ZDHHC15: variants seen among roughly 807,000 people sequenced by gnomAD.
ZDHHC15 encodes palmitoyltransferase ZDHHC15.
Under a neutral mutation model 31.7 loss-of-function variants are expected in ZDHHC15, and 19 were observed. The observed-to-expected ratio is 0.60, with a 90% CI of 0.42 to 0.88. The LOEUF is 0.88. Ranked by LOEUF, ZDHHC15 falls within the 40% of genes least tolerant of loss-of-function variation. The probability of loss-of-function intolerance (pLI) is 0.00; values close to 1 mark genes in which losing one functional copy is unlikely to be tolerated. For synonymous variants in ZDHHC15, 103 were observed against 90.0 expected (o/e 1.14, Z -0.82); for missense variants, 209 against 251.2 (o/e 0.83, Z 1.14).
At chrX:75,475,943 T>C (rs2084596825) in intron 3 of ZDHHC15, among the ~76,000 whole-genome samples, 1 of 111,723 alleles carries the variant, frequency 9.0e-6, no homozygotes. Context: ...TGGTTATGTT[T>C]ATTCCTAAGT....
At chrX:75,421,262 T>C (rs961308472) in intron 9 of ZDHHC15, among the ~76,000 whole-genome samples, 2 of 97,367 alleles carry the variant, frequency 2.1e-5, no homozygotes, top group Non-Finnish European at 4.0e-5. Flanking sequence ...TATACTTATG[T>C]TTTTAATCAC....
At chrX:75,471,875 G>A (rs1305135694) in intron 3 of ZDHHC15, among the ~76,000 whole-genome samples, 1 of 111,605 alleles carries the variant, frequency 9.0e-6, no homozygotes, top group Non-Finnish European at 1.9e-5. Flanking sequence ...TTTGGAGCAA[G>A]GCCCTGCCAT....
At chrX:75,419,936 C>G (rs1281665447) in intron 9 of ZDHHC15, among the ~76,000 whole-genome samples, 3 of 70,641 alleles carry the variant, frequency 4.2e-5, no homozygotes, top group Non-Finnish European at 7.3e-5. Flanking sequence ...ACATCACACA[C>G]TGGGGTCTGT....
chrX:75,388,010 C>A (rs1380563612), intron 10 of ZDHHC15, among the ~76,000 whole-genome samples: 2 of 111,860 alleles, frequency 1.8e-5, no homozygotes, highest in East Asian at 5.6e-4. Context: ...ACCACACAGG[C>A]CAGGAGGGAG....
chrX:75,407,057 C>A (rs1473027823), intron 10 of ZDHHC15, among the ~76,000 whole-genome samples: 1 of 112,605 alleles, frequency 8.9e-6, no homozygotes, highest in Non-Finnish European at 1.9e-5. Flanking sequence ...CAGCTGCCTG[C>A]CTTGGCCTCC....
At position 75,475,045 on chromosome X, in the gene ZDHHC15, C is replaced by T. The variant is rs771691052; in HGVS notation, c.258+3846G>A. ...CTGCACTCCTGCCTGGGCGACAGAG[C>T]GAGACTCCGTCTCAAAAAAATAAAT... is the stretch of plus-strand genomic sequence containing the variant. On this transcript the variant is annotated intron_variant, in intron 3 of 11. Transcript: ENST00000373367. Among the ~76,000 whole-genome samples the T allele has an allele frequency of 8.6e-4, 95 of 110,726 alleles. 1 individual carries two copies. Among genetic ancestry groups the T allele is most frequent in the Non-Finnish European group, 1.3e-3 (67 of 52,842 alleles).
At chrX:75,482,360 A>T (rs756730797) in intron 2 of ZDHHC15, among the ~76,000 whole-genome samples, 1 of 112,116 alleles carries the variant, frequency 8.9e-6, no homozygotes, top group Admixed American at 9.5e-5. Flanking sequence ...GTTGCATCCA[A>T]TGTTTAGCTG....
At chrX:75,391,898 C>A (rs141473912) in intron 10 of ZDHHC15, among the ~76,000 whole-genome samples, 202 of 111,932 alleles carry the variant, frequency 1.8e-3, no homozygotes, top group Admixed American at 2.7e-3. Context: ...ATAACTATAA[C>A]AACTTTTGAA....
chrX:75,490,285 T>C (rs946905063), intron 2 of ZDHHC15, among the ~76,000 whole-genome samples: 5 of 111,140 alleles, frequency 4.5e-5, no homozygotes, highest in Non-Finnish European at 9.4e-5. Flanking sequence ...AGACACATAA[T>C]TGTCAGATTC....
At chrX:75,488,100 G>A (rs1366296351) in intron 2 of ZDHHC15, among the ~76,000 whole-genome samples, 1 of 112,270 alleles carries the variant, frequency 8.9e-6, no homozygotes, top group Non-Finnish European at 1.9e-5. Context: ...CAACTTATTT[G>A]AGGGAATAAT....
chrX:75,446,862 C>A (rs867725204), intron 4 of ZDHHC15, among the ~76,000 whole-genome samples: 1 of 111,783 alleles, frequency 8.9e-6, no homozygotes, highest in Middle Eastern at 4.2e-3. Flanking sequence ...AAAGACCTCA[C>A]GTCCTAATAT....
At chrX:75,485,130 G>C (rs1023424167) in intron 2 of ZDHHC15, among the ~76,000 whole-genome samples, 3 of 111,191 alleles carry the variant, frequency 2.7e-5, no homozygotes, top group Non-Finnish European at 5.7e-5. Context: ...ACTGTATAGT[G>C]GTGGTTTTTA....
intron 4 of ZDHHC15, among the ~76,000 whole-genome samples, chrX:75,443,616 T>C (rs2083980957): frequency 1.8e-5 from 2 of 111,607 alleles, no homozygotes; most frequent in African/African-American, 6.5e-5. Context: ...AATTGACAAA[T>C]GGGATCTAAT....
chrX:75,486,767 C>CG (rs398087767), intron 2 of ZDHHC15, among the ~76,000 whole-genome samples: 42 of 110,478 alleles, frequency 3.8e-4, no homozygotes, highest in African/African-American at 1.3e-3. Context: ...GCCATAATCC[C>CG]CTGGGAACAT....
At chrX:75,472,200 G>C (rs1331701256) in intron 3 of ZDHHC15, among the ~76,000 whole-genome samples, 2 of 111,678 alleles carry the variant, frequency 1.8e-5, no homozygotes, top group African/African-American at 6.5e-5. Context: ...CTGCACTGAT[G>C]GCCTCATGGG....
chrX:75,428,137 T>C (rs1256007752), intron 7 of ZDHHC15, among the ~76,000 whole-genome samples: 1 of 111,149 alleles, frequency 9.0e-6, no homozygotes, highest in African/African-American at 3.3e-5. Context: ...CCTAAATAAC[T>C]AGTAGCTCTG....
intron 11 of ZDHHC15, 55 bp downstream of exon 11, chrX:75,379,065 G>A (rs1302781783): frequency 1.2e-5 from 12 of 988,578 alleles, no homozygotes; most frequent in Non-Finnish European, 1.7e-5. Flanking sequence ...CTTCTCCCAA[G>A]CCGCCTTCTT....
At chrX:75,408,223 T>TA (rs1569314715) in intron 10 of ZDHHC15, among the ~76,000 whole-genome samples, 4 of 82,972 alleles carry the variant, frequency 4.8e-5, no homozygotes, top group South Asian at 5.8e-4. Flanking sequence ...TAAAAAAAAA[T>TA]AAAAAATAAA....
chrX:75,456,208 A>G lies in ZDHHC15; in HGVS notation c.259-5286T>C, dbSNP rs1370304509. Among the ~76,000 whole-genome samples, 4 of 111,260 alleles carry G rather than the reference A, an allele frequency of 3.6e-5. No individual in the cohort carries two copies. The East Asian group carries it at 1.1e-3, about 31-fold the overall frequency. On this transcript the variant is annotated intron_variant, in intron 3 of 11. Transcript: ENST00000373367. ...ATGAGTTCATGTCCTTTGTAGCAAC[A>G]TCGATGAAGCTGGAAACCATCATTC...
Sources: gnomAD v4.1 joint callset for allele counts (sites outside exome capture counted in the v4.1 genomes callset) on GRCh38, gnomAD v4.1.1 for gene constraint, MANE v1.5 for transcripts, NCBI Gene and HGNC (gene_info 2026-07-23, HGNC 2026-07-21) for gene names.